Variants in PHF24 observed in about 807,000 individuals in gnomAD.
The protein encoded by PHF24 is Galpha inhibitory interacting protein.
A neutral mutation model predicts 42.6 loss-of-function variants in PHF24; 25 were observed. The observed-to-expected ratio is 0.59, with a 90% CI of 0.43 to 0.82. The LOEUF (loss-of-function observed/expected upper bound fraction) is 0.82, where lower values mean the gene tolerates loss of function less well. PHF24 is among the 40% of genes least tolerant of loss of function. PHF24 has a pLI of 0.00. For synonymous variants in PHF24, 185 were observed against 204.8 expected (o/e 0.90, Z 0.83); for missense variants, 470 against 538.1 (o/e 0.87, Z 1.25).
the PHF24 span, among the ~76,000 whole-genome samples, chr9:34,867,440 A>AAG: frequency 0.75 from 113,509 of 152,022 alleles, 42,660 homozygotes; most frequent in East Asian, 0.87. Flanking sequence ...AGACCCCTTC[A>AAG]GGGTCTACAA....
At chr9:34,891,970 G>A in the PHF24 span, among the ~76,000 whole-genome samples, 3 of 152,252 alleles carry the variant, frequency 2.0e-5, no homozygotes, top group African/African-American at 7.2e-5. Context: ...GGGGAAGGAG[G>A]GGAGATTTTA....
chr9:34,913,603 A>G, the PHF24 span, among the ~76,000 whole-genome samples: 1 of 152,194 alleles, frequency 6.6e-6, no homozygotes, highest in African/African-American at 2.4e-5. Flanking sequence ...TAGTTTTCAA[A>G]AACCCTTTAA....
chr9:34,810,062 T>C, the PHF24 span, among the ~76,000 whole-genome samples: 1 of 151,614 alleles, frequency 6.6e-6, no homozygotes, highest in Non-Finnish European at 1.5e-5. Flanking sequence ...CAGCCAGCGC[T>C]GCATGCTGTC....
the PHF24 span, among the ~76,000 whole-genome samples, chr9:34,857,672 GT>G: frequency 6.6e-6 from 1 of 152,304 alleles, no homozygotes; most frequent in South Asian, 2.1e-4. Context: ...TCAGTTGAAA[GT>G]GCAGAATTCA....
the PHF24 span, among the ~76,000 whole-genome samples, chr9:34,776,036 A>G: frequency 1.3e-5 from 2 of 152,230 alleles, no homozygotes; most frequent in Admixed American, 6.5e-5. Flanking sequence ...AATGTCCAGA[A>G]TAGGCAAATC....
At chr9:34,938,138 G>A in the PHF24 span, among the ~76,000 whole-genome samples, 1 of 152,180 alleles carries the variant, frequency 6.6e-6, no homozygotes, top group Non-Finnish European at 1.5e-5. Flanking sequence ...AGAAGAGGAA[G>A]CCTTACAAAA....
At chr9:34,894,302 CT>C in the PHF24 span, 1 of 395,266 alleles carries the variant, frequency 2.5e-6, no homozygotes, top group African/African-American at 2.1e-5. Flanking sequence ...TGGTAACTCT[CT>C]CAACTAGTGA....
At chr9:34,829,542 T>A in the PHF24 span, among the ~76,000 whole-genome samples, 1 of 152,172 alleles carries the variant, frequency 6.6e-6, no homozygotes, top group Non-Finnish European at 1.5e-5. Context: ...ATTGTGACCC[T>A]TCTGGGATTC....
the PHF24 span, chr9:34,895,677 A>T: frequency 9.9e-6 from 4 of 404,406 alleles, no homozygotes; most frequent in African/African-American, 8.2e-5. Flanking sequence ...CCATAGGTGT[A>T]TAAGGGATAT....
At chr9:34,862,928 G>A in the PHF24 span, among the ~76,000 whole-genome samples, 7 of 151,894 alleles carry the variant, frequency 4.6e-5, no homozygotes, top group Non-Finnish European at 7.4e-5. Context: ...CCTGAAGGGT[G>A]AGTCCTAGGC....
the PHF24 span, among the ~76,000 whole-genome samples, chr9:34,877,442 G>A: frequency 6.6e-6 from 1 of 152,150 alleles, no homozygotes; most frequent in Non-Finnish European, 1.5e-5. Flanking sequence ...GACAGAAAGT[G>A]GAATTGAGGT....
At chr9:34,936,837 C>T in the PHF24 span, among the ~76,000 whole-genome samples, 35 of 151,454 alleles carry the variant, frequency 2.3e-4, no homozygotes, top group African/African-American at 8.5e-4. Flanking sequence ...GCCTGGCAAC[C>T]GCCCCGTCTG....
At chr9:34,799,564 G>T in the PHF24 span, among the ~76,000 whole-genome samples, 1 of 152,076 alleles carries the variant, frequency 6.6e-6, no homozygotes, top group Non-Finnish European at 1.5e-5. Context: ...ATACCTTTGT[G>T]GTCCAGACCA....
chr9:34,830,739 A>G, the PHF24 span, among the ~76,000 whole-genome samples: 1 of 152,114 alleles, frequency 6.6e-6, no homozygotes, highest in African/African-American at 2.4e-5. Context: ...AGACCTCCCA[A>G]AGCAGGTCTG....
the PHF24 span, among the ~76,000 whole-genome samples, chr9:34,948,222 C>T: frequency 6.9e-6 from 1 of 145,546 alleles, no homozygotes; most frequent in African/African-American, 2.5e-5. Context: ...AATGTTATTA[C>T]AAGAGTAAAG....
the PHF24 span, among the ~76,000 whole-genome samples, chr9:34,676,760 A>C: frequency 1.3e-5 from 2 of 152,232 alleles, no homozygotes; most frequent in African/African-American, 4.8e-5. Context: ...GGAAGCTTAC[A>C]ATCACGGCAG....
At chr9:34,702,206 T>G in the PHF24 span, among the ~76,000 whole-genome samples, 2 of 152,184 alleles carry the variant, frequency 1.3e-5, no homozygotes, top group African/African-American at 4.8e-5. Context: ...TGAAAATAAT[T>G]GAAAACAAAT....
chr9:34,689,004 G>T, the PHF24 span, among the ~76,000 whole-genome samples: 4 of 152,218 alleles, frequency 2.6e-5, no homozygotes, highest in Non-Finnish European at 5.9e-5. This position sits in a 1 kb window ranked among gnomAD's most constrained non-coding sequence, Gnocchi z 4.1. Context: ...GGTCAGGGAA[G>T]GCTTCCTGGA....
the PHF24 span, among the ~76,000 whole-genome samples, chr9:34,690,745 T>G: frequency 6.6e-6 from 1 of 152,078 alleles, no homozygotes; most frequent in African/African-American, 2.4e-5. Flanking sequence ...CTAAAATTTT[T>G]GAATATCAGC....
Sources: allele counts gnomAD v4.1 joint callset (sites outside exome capture counted in the v4.1 genomes callset), GRCh38; gene constraint gnomAD v4.1.1; non-coding constraint Gnocchi (gnomAD v3.1); transcripts MANE v1.5; gene names NCBI Gene and HGNC (gene_info 2026-07-23, HGNC 2026-07-21).